Variants in EPM2A observed in about 807,000 individuals in gnomAD.
EPM2A encodes the protein laforin.
In EPM2A, 21 loss-of-function variants were observed where a neutral mutation model predicts 26.5. The ratio of observed to expected loss-of-function variants is 0.79; its 90% confidence interval spans 0.56 to 1.14. EPM2A has a LOEUF of 1.14. Among genes scored for constraint, EPM2A ranks in the 50% most tolerant of loss-of-function variants. The pLI, the probability that EPM2A is intolerant of heterozygous loss-of-function variation, is 0.00. For synonymous variants in EPM2A, 217 were observed against 177.6 expected (o/e 1.22, Z -1.76); for missense variants, 458 against 440.8 (o/e 1.04, Z -0.35).
At chr6:145,524,322 A>G (rs191229736) in intron 2 of EPM2A, among the ~76,000 whole-genome samples, 52 of 152,274 alleles carry the variant, frequency 3.4e-4, no homozygotes, top group Admixed American at 1.8e-3. Context: ...GCTGGGTCCA[A>G]TGGTAGTTCT....
At chr6:145,418,555 G>T (rs1778738876) in intron 4 of EPM2A, among the ~76,000 whole-genome samples, 1 of 152,160 alleles carries the variant, frequency 6.6e-6, no homozygotes, top group African/African-American at 2.4e-5. Context: ...TCAGGAAGGG[G>T]GCTTTAGCAG....
At chr6:145,386,685 G>A (rs1778266089) in intron 4 of EPM2A, among the ~76,000 whole-genome samples, 2 of 152,082 alleles carry the variant, frequency 1.3e-5, no homozygotes, top group Non-Finnish European at 2.9e-5. Context: ...AAAATAAAAG[G>A]CCATATTCTG....
At chr6:145,661,029 A>G (rs1297757804) in intron 2 of EPM2A, among the ~76,000 whole-genome samples, 3 of 152,170 alleles carry the variant, frequency 2.0e-5, no homozygotes, top group Non-Finnish European at 4.4e-5. Context: ...GAAAAGACAG[A>G]GAAGGTTAGA....
chr6:145,534,116 C>T (rs188639091), intron 2 of EPM2A, among the ~76,000 whole-genome samples: 6 of 152,160 alleles, frequency 3.9e-5, no homozygotes, highest in Admixed American at 1.3e-4. Context: ...ATCTGCTGTT[C>T]GGTGAAAGGA....
chr6:145,715,950 G>A (rs116946854), intron 1 of EPM2A, among the ~76,000 whole-genome samples: 1,652 of 152,228 alleles, frequency 0.011, 13 homozygotes, highest in Admixed American at 0.018. Context: ...TAATGTGCTT[G>A]AATCATCCCA....
rs559530615 is a variant in EPM2A at position 145,506,193 on chromosome 6, A to G, written c.341-3618T>C. Among the ~76,000 whole-genome samples, 3 of 152,388 alleles carry G rather than the reference A, an allele frequency of 2.0e-5. No individual in the cohort carries two copies. The South Asian group carries it at 6.2e-4, about 32-fold the overall frequency. ...CATAGTTGATTTGTGTTATAGCAGA[A>G]TATGGTGTATAATGTTTATTTTTGT... On this transcript the variant is annotated intron_variant, in intron 2 of 3. Coordinates refer to the EPM2A transcript ENST00000450221.
chr6:145,609,256 T>C (rs1362311032), intron 2 of EPM2A, among the ~76,000 whole-genome samples: 1 of 152,158 alleles, frequency 6.6e-6, no homozygotes, highest in African/African-American at 2.4e-5. Context: ...TAATCTAACA[T>C]GGCCAATAGA....
At chr6:145,690,685 G>A (rs1781227132) in intron 1 of EPM2A, among the ~76,000 whole-genome samples, 1 of 151,520 alleles carries the variant, frequency 6.6e-6, no homozygotes, top group Admixed American at 6.6e-5. Flanking sequence ...GAACAATGAT[G>A]TTAGAATTAT....
At chr6:145,614,471 G>A (rs1325962863) in intron 2 of EPM2A, among the ~76,000 whole-genome samples, 1 of 152,232 alleles carries the variant, frequency 6.6e-6, no homozygotes, top group Non-Finnish European at 1.5e-5. Flanking sequence ...GGCACAAAAG[G>A]CCTAGCTTTC....
chr6:145,622,189 A>G (rs1775651864), downstream of EPM2A, among the ~76,000 whole-genome samples: 1 of 152,168 alleles, frequency 6.6e-6, no homozygotes, highest in Admixed American at 6.5e-5. Flanking sequence ...GCCTGATATA[A>G]CAACAGTACA....
At position 145,735,352 on chromosome 6, in the gene EPM2A, G is replaced by C. The variant is rs1163850910; in HGVS notation, c.147C>G (p.Asp49Glu). The C allele has an allele frequency of 7.6e-7, 1 of 1,319,248 alleles. No homozygotes were observed. Among genetic ancestry groups the C allele is most frequent in the South Asian group, 1.9e-5 (1 of 53,612 alleles). The allele number at this position is 1,319,248 out of a possible 1,614,324, so 81.7% of individuals were successfully genotyped here. ...CCGGCTCCTGCAGGGCCAGGGCCCC[G>C]TCGCCCGCCGCGGTGCCGGCCGGCC... Reference protein sequence around the residue: ...RLRPAGTAAGDGALALQEPGL... With the variant: ...RLRPAGTAAGEGALALQEPGL... The change falls in exon 1 of 4, where the codon GAC becomes GAG. Residue 49 changes from aspartate to glutamate, a missense_variant. Transcript: ENST00000367519.
intron 4 of EPM2A, among the ~76,000 whole-genome samples, chr6:145,452,475 C>T (rs1359486064): frequency 2.5e-5 from 3 of 120,900 alleles, no homozygotes; most frequent in Non-Finnish European, 4.9e-5. Context: ...GAAACCCAGT[C>T]TCTACTAAAA....
At chr6:145,387,933 T>C (rs577705085) in intron 4 of EPM2A, among the ~76,000 whole-genome samples, 10 of 151,978 alleles carry the variant, frequency 6.6e-5, no homozygotes, top group South Asian at 2.1e-4. Flanking sequence ...GGACTGGAAA[T>C]AAACAGAAGG....
intron 4 of EPM2A, among the ~76,000 whole-genome samples, chr6:145,460,023 T>A (rs184968063): frequency 2.6e-5 from 4 of 152,280 alleles, no homozygotes; most frequent in Admixed American, 2.6e-4. Context: ...ATTCCATAAC[T>A]TAAGTTTAAC....
At chr6:145,735,762 T>C, upstream of EPM2A, 1 of 418,644 alleles carries the variant, frequency 2.4e-6, no homozygotes, top group Non-Finnish European at 3.3e-6. Context: ...TTTCCACCTG[T>C]GGGCGCTGGG....
At chr6:145,706,039 G>T (rs934705626) in intron 1 of EPM2A, 1 of 431,428 alleles carries the variant, frequency 2.3e-6, no homozygotes, top group African/African-American at 2.1e-5. Flanking sequence ...GGAATGTTTA[G>T]GTTTCAGATA....
chr6:145,413,579 A>T (rs907504504), intron 4 of EPM2A, among the ~76,000 whole-genome samples: 1 of 152,100 alleles, frequency 6.6e-6, no homozygotes, highest in Non-Finnish European at 1.5e-5. Flanking sequence ...TTCAGCACTC[A>T]GGGTGACCGT....
intron 2 of EPM2A, among the ~76,000 whole-genome samples, chr6:145,564,240 A>T (rs778494256): frequency 6.6e-6 from 1 of 152,240 alleles, no homozygotes; most frequent in Non-Finnish European, 1.5e-5. Context: ...TATATATTCA[A>T]ATATCATATA....
At chr6:145,603,871 G>A (rs985547092) in intron 2 of EPM2A, among the ~76,000 whole-genome samples, 6 of 151,992 alleles carry the variant, frequency 3.9e-5, no homozygotes, top group Non-Finnish European at 8.8e-5. Flanking sequence ...GAGAGTCCAC[G>A]TTTTTTTATT....
Sources: gnomAD v4.1 joint callset for allele counts (sites outside exome capture counted in the v4.1 genomes callset) on GRCh38, gnomAD v4.1.1 for gene constraint, MANE v1.5 for transcripts, NCBI Gene and HGNC (gene_info 2026-07-23, HGNC 2026-07-21) for gene names.